Variants in CLEC1A observed in about 807,000 individuals in gnomAD.
CLEC1A encodes the protein C-type lectin domain family 1 member A.
A neutral mutation model predicts 28.7 loss-of-function variants in CLEC1A; 34 were observed. The ratio of observed to expected loss-of-function variants is 1.18; its 90% CI spans 0.90 to 1.57. The LOEUF (loss-of-function observed/expected upper bound fraction) is 1.57. CLEC1A is among the 40% of genes most tolerant of loss of function. The pLI, the probability that CLEC1A is intolerant of heterozygous loss-of-function variation, is 0.00. For synonymous variants in CLEC1A, 116 were observed against 121.0 expected, an observed-to-expected ratio of 0.96 and a Z score of 0.27; for missense variants, 385 against 339.5, an observed-to-expected ratio of 1.13 and a Z score of -1.05.
intron 4 of CLEC1A, among the ~76,000 whole-genome samples, chr12:10,074,561 T>G (rs1398695268): frequency 1.3e-5 from 2 of 152,232 alleles, no homozygotes; most frequent in African/African-American, 4.8e-5. Context: ...ATACCTGAGT[T>G]TGCAGTGTAT....
chr12:10,079,516 T>C lies in CLEC1A; in HGVS notation c.391+1721A>G, dbSNP rs186052483. 6.2e-3 allele frequency among the ~76,000 whole-genome samples: 876 copies of C among 140,776 alleles called. 2 individuals are homozygous for C. Among genetic ancestry groups the C allele is most frequent in the Non-Finnish European group, 9.9e-3 (649 of 65,380 alleles). The allele number at this position is 140,776 out of a possible 152,430, so 92.4% of individuals were successfully genotyped here. On this transcript the variant is annotated intron_variant, in intron 3 of 5. Coordinates refer to ENST00000315330, the MANE Select transcript of CLEC1A (RefSeq NM_016511.4). ...ACCATTTGTGTTAGGAAAATCTCGG[T>C]TACCTTAAAAAAAAATTTTTTTTAG...
In CLEC1A at chr12:10,075,664, A is replaced by G. The variant is rs1350857091; in HGVS notation, c.392-9T>C. 5 of 1,611,430 alleles carry G rather than the reference A, an allele frequency of 3.1e-6. No homozygotes were observed. In the South Asian group the frequency reaches 3.3e-5, roughly 11 times the overall value. Reference sequence around the variant, plus strand: ...AGGGCTGCACCTGTGTGCTTGGAAAAAAGCCAATTTTATTGTTATTTTCTG... The same window carrying G: ...AGGGCTGCACCTGTGTGCTTGGAAAGAAGCCAATTTTATTGTTATTTTCTG... On this transcript the variant is annotated splice_polypyrimidine_tract_variant and intron_variant, in intron 3 of 5. Coordinates refer to ENST00000315330, the MANE Select transcript of CLEC1A (RefSeq NM_016511.4).
chr12:10,083,562 T>A (rs1262932955), intron 2 of CLEC1A, among the ~76,000 whole-genome samples: 1 of 152,146 alleles, frequency 6.6e-6, no homozygotes, highest in Non-Finnish European at 1.5e-5. Flanking sequence ...TGGATCTACC[T>A]CCCAGGTTCA....
intron 3 of CLEC1A, 49 bp from the exon 4 acceptor site, chr12:10,075,704 G>C (rs1295838957): frequency 6.4e-7 from 1 of 1,552,152 alleles, no homozygotes; most frequent in Non-Finnish European, 8.8e-7. Context: ...AGTCTGTCTT[G>C]CTCCTCTCTT....
rs772081392 is a variant in CLEC1A, at chr12:10,071,349, A to G, written c.827T>C (p.Leu276Ser). The G allele has an allele frequency of 6.2e-7, 1 of 1,613,436 alleles. No individual in the cohort carries two copies. Among genetic ancestry groups the G allele is most frequent in the Admixed American group, 1.7e-5 (1 of 59,920 alleles). ...PESLHVPPETLGEGD is the reference protein window; with the variant it reads ...PESLHVPPETSGEGD ...GAGGGCGAATCAGTCACCTTCGCCT[A>G]ATGTTTCAGGGGGGACATGGAGGCT... Residue 276 changes from leucine (L) to serine (S), a missense_variant, in exon 6 of 6, where the codon TTA becomes TCA. Coordinates refer to ENST00000315330, the MANE Select transcript of CLEC1A (RefSeq NM_016511.4).
chr12:10,090,150 A>G (rs1866583135), intron 1 of CLEC1A, among the ~76,000 whole-genome samples: 1 of 152,248 alleles, frequency 6.6e-6, no homozygotes, highest in African/African-American at 2.4e-5. Context: ...ATCTCTTTGT[A>G]GCCCGTTAGT....
intron 2 of CLEC1A, among the ~76,000 whole-genome samples, chr12:10,082,378 A>C (rs1007549069): frequency 2.0e-5 from 3 of 152,100 alleles, no homozygotes. Flanking sequence ...ATCACCAGCT[A>C]TGTGGGAGCT....
chr12:10,098,798 G>A lies in CLEC1A; in HGVS notation c.115+10C>T, dbSNP rs771146754. The A allele has an allele frequency of 6.9e-6, 11 of 1,597,142 alleles. No homozygotes were observed. In the East Asian group the frequency reaches 2.2e-4, roughly 32 times the overall value. On this transcript the variant is annotated intron_variant, in intron 1 of 5. Coordinates refer to ENST00000315330, the MANE Select transcript of CLEC1A (RefSeq NM_016511.4). The stretch of plus-strand genomic sequence containing the variant: ...ACTGTGGTCTATTTGGACTCCAGGA[G>A]ACAGGGTACCTGTGCGCCGGGGCTC...
intron 1 of CLEC1A, among the ~76,000 whole-genome samples, chr12:10,095,937 T>C (rs1002878708): frequency 3.9e-5 from 6 of 152,210 alleles, no homozygotes; most frequent in Non-Finnish European, 7.3e-5. Context: ...GGTGTTGATA[T>C]TCCCTCAGAT....
At chr12:10,073,718 T>G (rs1004994105) in intron 4 of CLEC1A, among the ~76,000 whole-genome samples, 3 of 152,028 alleles carry the variant, frequency 2.0e-5, no homozygotes, top group African/African-American at 7.3e-5. Context: ...AATGTTGACA[T>G]AAAAATATGA....
chr12:10,087,471 G>T (rs1440037255), intron 2 of CLEC1A, among the ~76,000 whole-genome samples: 1 of 56,656 alleles, frequency 1.8e-5, no homozygotes, highest in African/African-American at 7.8e-5. Flanking sequence ...ATACCTCAAA[G>T]TTATATATAT....
intron 3 of CLEC1A, among the ~76,000 whole-genome samples, chr12:10,076,854 T>G (rs1209384763): frequency 6.6e-6 from 1 of 152,224 alleles, no homozygotes; most frequent in Non-Finnish European, 1.5e-5. Context: ...TGAAAAAGAT[T>G]ATGAAGCAGC....
intron 4 of CLEC1A, among the ~76,000 whole-genome samples, chr12:10,073,855 T>C (rs771601348): frequency 3.3e-5 from 5 of 151,902 alleles, no homozygotes; most frequent in Middle Eastern, 3.2e-3. Context: ...AAAAGAAAAA[T>C]TTGCAAGGAT....
chr12:10,098,783 A>G, intron 1 of CLEC1A, 25 bp downstream of exon 1: 3 of 1,502,322 alleles, frequency 2.0e-6, no homozygotes, highest in Non-Finnish European at 2.8e-6. Flanking sequence ...ACTGTGGTCT[A>G]TTTGGACTCC....
rs774165401 is a variant in CLEC1A, at chr12:10,073,351, G to T, written c.604C>A (p.Arg202Ser). ...FFYSYWTGLL[R>S]PDSGKAWLWM... ...AGCCAGGCCTTGCCACTGTCAGGGC[G>T]CAAAAGCCCTGTCCAATAAGAGTAG... is the stretch of plus-strand genomic sequence containing the variant. The change falls in exon 5 of 6, where the codon CGC becomes AGC. Residue 202 changes from arginine to serine, a missense_variant. Coordinates refer to ENST00000315330, the MANE Select transcript of CLEC1A (RefSeq NM_016511.4). The T allele has an allele frequency of 4.3e-6, 7 of 1,613,862 alleles. No homozygotes were observed. In the East Asian group the frequency reaches 1.6e-4, roughly 36 times the overall value.
At chr12:10,096,688 C>CA (rs1565610009) in intron 1 of CLEC1A, among the ~76,000 whole-genome samples, 12 of 152,150 alleles carry the variant, frequency 7.9e-5, no homozygotes, top group African/African-American at 2.7e-4. Flanking sequence ...TCTACACCTA[C>CA]GCCATACATA....
At position 10,071,532 on chromosome 12, in the gene CLEC1A, A is replaced by G; in HGVS notation, c.663-19T>C. The G allele has an allele frequency of 1.3e-6, 2 of 1,548,538 alleles. No individual in the cohort carries two copies. The highest frequency in any genetic ancestry group is 1.8e-6 in the Non-Finnish European group (2 of 1,142,096). On this transcript the variant is annotated intron_variant, in intron 5 of 5. Coordinates refer to ENST00000315330, the MANE Select transcript of CLEC1A (RefSeq NM_016511.4). ...ATGGAACCTTAAGAAAGGAAGAAAA[A>G]GTAAATTCAATCACGGTTTATTTCT... is the stretch of plus-strand genomic sequence containing the variant.
intron 3 of CLEC1A, among the ~76,000 whole-genome samples, chr12:10,076,798 T>C (rs1473307481): frequency 6.6e-6 from 1 of 152,236 alleles, no homozygotes; most frequent in Non-Finnish European, 1.5e-5. Flanking sequence ...ATGGTCCCTG[T>C]TGTTGTGAGA....
intron 5 of CLEC1A, 132 bp from the exon 6 acceptor site, chr12:10,071,645 T>C (rs910131540): frequency 1.5e-6 from 1 of 685,302 alleles, no homozygotes; most frequent in Non-Finnish European, 2.2e-6. Context: ...ACTGGGGTCA[T>C]GTGCCTCTTT....
Sources: allele counts gnomAD v4.1 joint callset (sites outside exome capture counted in the v4.1 genomes callset), GRCh38; gene constraint gnomAD v4.1.1; transcripts MANE v1.5; gene names NCBI Gene and HGNC (gene_info 2026-07-23, HGNC 2026-07-21).